TFDP2: variants seen among roughly 807,000 people sequenced by gnomAD.
TFDP2 encodes transcription factor Dp-2 (E2F dimerization partner 2).
TFDP2 carries 17 observed loss-of-function variants against 59.3 expected under a neutral mutation model. That is an observed-to-expected ratio of 0.29 (90% CI 0.20 to 0.43). TFDP2 has a LOEUF of 0.43. TFDP2 is among the 20% of genes least tolerant of loss of function. The pLI, the probability that TFDP2 is intolerant of heterozygous loss-of-function variation, is 1.00. For missense variants in TFDP2, 391 were observed against 528.8 expected (o/e 0.74, Z 2.56); for synonymous variants, 180 against 194.7 (o/e 0.92, Z 0.63).
chr3:142,013,308 T>C (rs897595251), intron 3 of TFDP2, among the ~76,000 whole-genome samples: 3 of 152,186 alleles, frequency 2.0e-5, no homozygotes, highest in African/African-American at 7.2e-5. Context: ...AGAATTCCAA[T>C]AGTTGTAATA....
rs1942996153 is a variant in TFDP2 at position 141,993,594 on chromosome 3, G to GA, written c.309-10dup. On this transcript the variant is annotated splice_polypyrimidine_tract_variant and intron_variant, in intron 5 of 12. Coordinates refer to ENST00000489671, the MANE Select transcript of TFDP2 (RefSeq NM_001178139.2). ...TAGCCCGTTTTCTATCACTAAAAAG[G>GA]AAAAAAGATAGCATAAAAACAATAC... The GA allele has an allele frequency of 1.3e-6, 2 of 1,514,850 alleles. No homozygotes were observed. Among genetic ancestry groups the GA allele is most frequent in the South Asian group, 1.2e-5 (1 of 84,260 alleles). The allele number at this position is 1,514,850 out of a possible 1,614,324, so 93.8% of individuals were successfully genotyped here.
At chr3:142,146,579 T>C (rs2063184718) in intron 1 of TFDP2, among the ~76,000 whole-genome samples, 1 of 152,154 alleles carries the variant, frequency 6.6e-6, no homozygotes, top group African/African-American at 2.4e-5. Context: ...TAGTAAATTA[T>C]TATAAAGTAA....
intron 6 of TFDP2, among the ~76,000 whole-genome samples, chr3:141,992,599 G>T (rs976417248): frequency 6.6e-6 from 1 of 152,194 alleles, no homozygotes; most frequent in African/African-American, 2.4e-5. Context: ...CTGTTAGAGA[G>T]TAAAGAACAT....
At chr3:142,018,664 T>C (rs1945332429) in intron 3 of TFDP2, among the ~76,000 whole-genome samples, 1 of 151,906 alleles carries the variant, frequency 6.6e-6, no homozygotes, top group African/African-American at 2.4e-5. Flanking sequence ...AGGCTATTCT[T>C]GAACTCCTGG....
In TFDP2 at chr3:141,952,429, C is replaced by G; in HGVS notation, c.*84G>C. 7.4e-7 allele frequency: 1 copy of G among 1,345,336 alleles called. No individual in the cohort carries two copies. Among genetic ancestry groups the G allele is most frequent in the African/African-American group, 1.5e-5 (1 of 66,260 alleles). 83.3% of individuals were successfully genotyped at this position (1,345,336 alleles called of 1,614,324 possible). A position where few individuals can be genotyped will look rare whatever the true frequency, so the allele number is the denominator to read the frequency against. ...CACACAGTGCAAACAAAGGCAAAGA[C>G]TGAAGCAATCATTTCAAAAACAAGA... On this transcript the variant is annotated 3_prime_UTR_variant, in exon 13 of 13. Coordinates refer to ENST00000489671, the MANE Select transcript of TFDP2 (RefSeq NM_001178139.2).
chr3:141,968,240 T>C (rs540987936), intron 9 of TFDP2, among the ~76,000 whole-genome samples: 33 of 140,438 alleles, frequency 2.3e-4, no homozygotes, highest in Non-Finnish European at 4.4e-4. Context: ...CAAAACATTA[T>C]TATTTATATA....
chr3:142,071,400 C>A (rs919607621), intron 3 of TFDP2, among the ~76,000 whole-genome samples: 1 of 152,110 alleles, frequency 6.6e-6, no homozygotes. Flanking sequence ...TCAACTGATC[C>A]AACTGCATTG....
At chr3:142,019,655 C>CA (rs1945441472) in intron 3 of TFDP2, among the ~76,000 whole-genome samples, 1 of 150,916 alleles carries the variant, frequency 6.6e-6, no homozygotes, top group South Asian at 2.1e-4. Flanking sequence ...ACACCCCCCC[C>CA]AACATCTTCT....
chr3:141,960,312 C>T (rs1185619936), intron 10 of TFDP2, among the ~76,000 whole-genome samples: 1 of 152,170 alleles, frequency 6.6e-6, no homozygotes, highest in East Asian at 1.9e-4. Flanking sequence ...AGAAGACTTT[C>T]AACAAGTGAA....
At position 141,951,298 on chromosome 3, in the gene TFDP2, C is replaced by T. The variant is rs1935913091; in HGVS notation, c.*1215G>A. On this transcript the variant is annotated 3_prime_UTR_variant, in exon 13 of 13. Transcript: ENST00000489671. ...AGGAGCAGCTGTGAATACACCACTG[C>T]AGTATTTCTAATGACATCTTGAGCC... is the stretch of plus-strand genomic sequence containing the variant. 6.6e-6 allele frequency: 1 copy of T among 152,174 alleles called. No individual in the cohort carries two copies. The highest frequency in any genetic ancestry group is 2.4e-5 in the African/African-American group (1 of 41,440). The allele number at this position is 152,174 out of a possible 1,614,324, so 9.4% of individuals were successfully genotyped here. A position where few individuals can be genotyped will look rare whatever the true frequency, so the allele number is the denominator to read the frequency against.
At chr3:142,109,333 AT>A (rs11378143) in intron 1 of TFDP2, among the ~76,000 whole-genome samples, 85 of 144,932 alleles carry the variant, frequency 5.9e-4, no homozygotes, top group African/African-American at 7.1e-4. Flanking sequence ...AGTAAGCTAC[AT>A]TTTTTTTTTT....
At chr3:142,020,501 C>T (rs753128045) in intron 3 of TFDP2, among the ~76,000 whole-genome samples, 56 of 150,684 alleles carry the variant, frequency 3.7e-4, no homozygotes, top group Admixed American at 1.3e-3. Flanking sequence ...TGCCATTGCA[C>T]TCCAGCCTGG....
At position 142,085,395 on chromosome 3, in the gene TFDP2, T is replaced by A. The variant is rs182990052; in HGVS notation, c.82+7666A>T. ...CTCCATAAATATATATGTATACACA[T>A]CTATTATGTACCCACAAAAAATTTT... On this transcript the variant is annotated intron_variant, in intron 3 of 12. Transcript: ENST00000489671. 9.8e-4 allele frequency among the ~76,000 whole-genome samples: 144 copies of A among 147,618 alleles called. 1 individual carries two copies. Among genetic ancestry groups the A allele is most frequent in the African/African-American group, 3.8e-3 (141 of 37,154 alleles).
intron 7 of TFDP2, among the ~76,000 whole-genome samples, chr3:141,977,019 C>T (rs1428560895): frequency 6.7e-6 from 1 of 148,872 alleles, no homozygotes; most frequent in Non-Finnish European, 1.5e-5. Flanking sequence ...AATTAAAGAA[C>T]ATCTAAAGAA....
At chr3:142,124,719 T>C (rs1226338514) in intron 1 of TFDP2, among the ~76,000 whole-genome samples, 1 of 151,974 alleles carries the variant, frequency 6.6e-6, no homozygotes, top group Non-Finnish European at 1.5e-5. Context: ...CTACAAAAAA[T>C]GCACATTTTT....
In TFDP2 at chr3:141,945,799, G is replaced by A. The variant is rs1935181167; in HGVS notation, c.*6714C>T. 2 of 152,248 alleles carry A rather than the reference G, an allele frequency of 1.3e-5. No individual in the cohort carries two copies. The highest frequency in any genetic ancestry group is 2.1e-4 in the South Asian group (1 of 4,832). The allele number at this position is 152,248 out of a possible 1,614,324, so 9.4% of individuals were successfully genotyped here. A position where few individuals can be genotyped will look rare whatever the true frequency, so the allele number is the denominator to read the frequency against. ...TGCATTGAAGCACGACAAGGGATGAGTTTTTAAATCCAAACGTGATCTGGG... is the reference window on the plus strand; with the variant it reads ...TGCATTGAAGCACGACAAGGGATGAATTTTTAAATCCAAACGTGATCTGGG... On this transcript the variant is annotated 3_prime_UTR_variant, in exon 13 of 13. Transcript: ENST00000489671.
At chr3:142,108,396 G>A (rs147417344) in intron 1 of TFDP2, among the ~76,000 whole-genome samples, 7,680 of 152,060 alleles carry the variant, frequency 0.051, 635 homozygotes, top group African/African-American at 0.17. Flanking sequence ...TTTTAGTAGA[G>A]ACGGGGTTTC....
chr3:142,011,285 T>C (rs1282436053), intron 3 of TFDP2, among the ~76,000 whole-genome samples: 13 of 102,078 alleles, frequency 1.3e-4, no homozygotes, highest in Non-Finnish European at 2.0e-4. Context: ...TTCATGTCCT[T>C]TGTAGGGACA....
At chr3:141,999,831 G>A (rs187506950) in intron 4 of TFDP2, among the ~76,000 whole-genome samples, 1 of 152,112 alleles carries the variant, frequency 6.6e-6, no homozygotes, top group East Asian at 1.9e-4. Flanking sequence ...CGCCTCCCGG[G>A]TTCATGCCAT....
Sources: gnomAD v4.1 joint callset for allele counts (sites outside exome capture counted in the v4.1 genomes callset) on GRCh38, gnomAD v4.1.1 for gene constraint, MANE v1.5 for transcripts, NCBI Gene and HGNC (gene_info 2026-07-23, HGNC 2026-07-21) for gene names.